Variants in EIPR1 observed in about 807,000 individuals in gnomAD.
The protein encoded by EIPR1 is EARP complex and GARP complex interacting protein 1.
In EIPR1, 25 loss-of-function variants were observed where a neutral mutation model predicts 48.1. That is an observed-to-expected ratio of 0.52 (90% CI 0.38 to 0.73). The LOEUF is 0.73. Ranked by LOEUF, EIPR1 falls within the 30% of genes least tolerant of loss-of-function variation. The probability of loss-of-function intolerance (pLI) is 0.00; values close to 1 mark genes in which losing one functional copy is unlikely to be tolerated. For synonymous variants in EIPR1, 204 were observed against 201.9 expected, an observed-to-expected ratio of 1.01 and a Z score of -0.09; for missense variants, 415 against 506.2, an observed-to-expected ratio of 0.82 and a Z score of 1.73.
intron 3 of EIPR1, among the ~76,000 whole-genome samples, chr2:3,262,354 G>A (rs572827003): frequency 5.3e-4 from 81 of 152,268 alleles, no homozygotes; most frequent in African/African-American, 1.9e-3. Flanking sequence ...TTGGCAAGAC[G>A]GCAGGAAACA....
chr2:3,301,043 A>G (rs1052366911), intron 3 of EIPR1: 2 of 152,226 alleles, frequency 1.3e-5, no homozygotes, highest in African/African-American at 4.8e-5. Context: ...AAAACACAGC[A>G]GAGAGATTTT....
intron 4 of EIPR1, among the ~76,000 whole-genome samples, chr2:3,254,261 G>C (rs1222660026): frequency 6.6e-6 from 1 of 152,290 alleles, no homozygotes; most frequent in East Asian, 1.9e-4. Context: ...TGGGGAGGAC[G>C]CAGAGAGGAG....
At chr2:3,318,505 A>T (rs1669386771) in intron 3 of EIPR1, among the ~76,000 whole-genome samples, 1 of 152,228 alleles carries the variant, frequency 6.6e-6, no homozygotes, top group Non-Finnish European at 1.5e-5. Flanking sequence ...CAGAGAGATG[A>T]TACAAACGGG....
intron 8 of EIPR1, among the ~76,000 whole-genome samples, chr2:3,190,972 T>C (rs1328834764): frequency 6.6e-6 from 1 of 152,146 alleles, no homozygotes. Context: ...CATGGGCCTG[T>C]TGTCTCAGCT....
At position 3,338,005 on chromosome 2, in the gene EIPR1, A is replaced by C; in HGVS notation, c.259+12T>G. The C allele has an allele frequency of 6.3e-7, 1 of 1,584,290 alleles. No individual in the cohort carries two copies. The highest frequency in any genetic ancestry group is 8.5e-7 in the Non-Finnish European group (1 of 1,171,032). On this transcript the variant is annotated intron_variant, in intron 3 of 8. Coordinates refer to ENST00000382125, the MANE Select transcript of EIPR1 (RefSeq NM_003310.5). ...CTCCAGTTAGCAAGTACCTTAGAAA[A>C]GCCGCACTTACTTCTGTTGTAGCAG...
chr2:3,302,921 G>A (rs1668803611), intron 3 of EIPR1, among the ~76,000 whole-genome samples: 2 of 152,254 alleles, frequency 1.3e-5, no homozygotes, highest in South Asian at 4.1e-4. Context: ...AAGGTCAGCA[G>A]GAGGGAGGGC....
Position 3,257,495 on chromosome 2 carries a change from G to A in EIPR1, c.260-40C>T, listed in dbSNP as rs774526327. On this transcript the variant is annotated intron_variant, in intron 3 of 8. Transcript: ENST00000382125. ...ATAATGGATAATGTCAACAGAGCAC[G>A]GTGTGCCCCGCATTCTGCAGACAGC... is the stretch of plus-strand genomic sequence containing the variant. 29 of 1,606,238 alleles carry A rather than the reference G, an allele frequency of 1.8e-5. No homozygotes were observed. The East Asian group carries it at 2.2e-4, about 12-fold the overall frequency.
In EIPR1 at chr2:3,281,009, G is replaced by A. The variant is rs1396825016; in HGVS notation, c.260-23554C>T. 3.3e-5 allele frequency among the ~76,000 whole-genome samples: 5 copies of A among 152,098 alleles called. No individual in the cohort carries two copies. In the East Asian group the frequency reaches 5.8e-4, roughly 18 times the overall value. On this transcript the variant is annotated intron_variant, in intron 3 of 8. Transcript: ENST00000382125. The stretch of plus-strand genomic sequence containing the variant: ...TACCTGGCCTCCAGCTTGGGGTGCT[G>A]TCTCCTACGTGGTCCTCTAGGAGAA...
At chr2:3,351,029 C>T (rs4854121) in intron 2 of EIPR1, among the ~76,000 whole-genome samples, 24,188 of 145,560 alleles carry the variant, frequency 0.17, 2,219 homozygotes, top group Non-Finnish European at 0.21. Context: ...GACAGAGTCT[C>T]GCTCTGTCAC....
intron 4 of EIPR1, among the ~76,000 whole-genome samples, chr2:3,224,470 A>T (rs1315732125): frequency 1.3e-5 from 2 of 152,202 alleles, no homozygotes; most frequent in Non-Finnish European, 2.9e-5. Flanking sequence ...CTGATTGCCA[A>T]ACAGGTTTCA....
chr2:3,287,565 G>A lies in EIPR1; in HGVS notation c.260-30110C>T, dbSNP rs568149574. 9.5e-5 allele frequency among the ~76,000 whole-genome samples: 14 copies of A among 146,674 alleles called. No homozygotes were observed. In the South Asian group the frequency reaches 1.3e-3, roughly 14 times the overall value. On this transcript the variant is annotated intron_variant, in intron 3 of 8. Transcript: ENST00000382125. Reference sequence around the variant, plus strand: ...TCGTTCACCACAATCTAGAAAGCGCGTTCACCACGCTCCAGAAAGCACGTT... The same window carrying A: ...TCGTTCACCACAATCTAGAAAGCGCATTCACCACGCTCCAGAAAGCACGTT...
rs568332000 is a variant in EIPR1, at chr2:3,338,286, C to T, written c.127-137G>A. ...CTTTAGTTAATTGTTATTATGCCAACAGTATGTGCTTCTATAATTTAATTC... is the reference window on the plus strand; with the variant it reads ...CTTTAGTTAATTGTTATTATGCCAATAGTATGTGCTTCTATAATTTAATTC... On this transcript the variant is annotated intron_variant, in intron 2 of 8. Transcript: ENST00000382125. 1.7e-4 allele frequency: 173 copies of T among 998,022 alleles called. 1 individual carries two copies. The South Asian group carries it at 2.9e-3, about 17-fold the overall frequency. The allele number at this position is 998,022 out of a possible 1,614,324, so 61.8% of individuals were successfully genotyped here. A position where few individuals can be genotyped will look rare whatever the true frequency, so the allele number is the denominator to read the frequency against.
At chr2:3,288,987 G>A (rs893342060) in intron 3 of EIPR1, among the ~76,000 whole-genome samples, 15 of 152,336 alleles carry the variant, frequency 9.8e-5, no homozygotes, top group African/African-American at 2.9e-4. Context: ...GTGCCTGCAC[G>A]GCCGTATCTC....
chr2:3,299,618 T>TCA (rs1212478991), intron 3 of EIPR1, among the ~76,000 whole-genome samples: 107 of 126,072 alleles, frequency 8.5e-4, no homozygotes, highest in African/African-American at 2.7e-3. Context: ...TCTCTCTCTC[T>TCA]CTCTCTCACA....
At chr2:3,359,051 A>G (rs1670796741) in intron 1 of EIPR1, among the ~76,000 whole-genome samples, 1 of 152,216 alleles carries the variant, frequency 6.6e-6, no homozygotes, top group African/African-American at 2.4e-5. Flanking sequence ...TGCCCTCAGG[A>G]AACTTGGACT....
intron 4 of EIPR1, among the ~76,000 whole-genome samples, chr2:3,232,110 C>T (rs918940640): frequency 3.3e-5 from 5 of 152,150 alleles, no homozygotes; most frequent in African/African-American, 1.2e-4. Context: ...TTTGTTTACG[C>T]ATAATTGTTC....
chr2:3,218,180 C>CACGG (rs1665708904), intron 4 of EIPR1, among the ~76,000 whole-genome samples: 1 of 151,102 alleles, frequency 6.6e-6, no homozygotes, highest in African/African-American at 2.4e-5. Flanking sequence ...GGACACCCAA[C>CACGG]ACGGCCCTGA....
At chr2:3,328,116 G>C (rs1266091915) in intron 3 of EIPR1, among the ~76,000 whole-genome samples, 1 of 152,144 alleles carries the variant, frequency 6.6e-6, no homozygotes, top group East Asian at 1.9e-4. Flanking sequence ...GGAGCCGTGG[G>C]AAGCTCATGT....
At chr2:3,365,357 G>A (rs1327721736) in intron 1 of EIPR1, among the ~76,000 whole-genome samples, 2 of 152,142 alleles carry the variant, frequency 1.3e-5, no homozygotes, top group Admixed American at 6.5e-5. Context: ...TTGTAGTCTC[G>A]GCTACTTGGG....
Sources: gnomAD v4.1 joint callset for allele counts (sites outside exome capture counted in the v4.1 genomes callset) on GRCh38, gnomAD v4.1.1 for gene constraint, MANE v1.5 for transcripts, NCBI Gene and HGNC (gene_info 2026-07-23, HGNC 2026-07-21) for gene names.